TMEM135: variants seen among roughly 807,000 people sequenced by gnomAD.
TMEM135 encodes the protein transmembrane protein 135.
Under a neutral mutation model 60.3 loss-of-function variants are expected in TMEM135, and 30 were observed. The ratio of observed to expected loss-of-function variants is 0.50; its 90% confidence interval spans 0.37 to 0.68. The LOEUF is 0.68. TMEM135 is among the 30% of genes least tolerant of loss of function. The pLI, the probability that TMEM135 is intolerant of heterozygous loss-of-function variation, is 0.00. For synonymous variants in TMEM135, 190 were observed against 186.7 expected, an observed-to-expected ratio of 1.02 and a Z score of -0.14; for missense variants, 468 against 548.8, an observed-to-expected ratio of 0.85 and a Z score of 1.47.
At chr11:87,062,417 GCCCCCCCCC>G (rs71040291) in intron 1 of TMEM135, among the ~76,000 whole-genome samples, 4 of 266 alleles carry the variant, frequency 0.015, 2 homozygotes, top group African/African-American at 0.095. Context: ...TTCCCCCCAA[GCCCCCCCCC>G]CCCCCCGCAT....
At chr11:87,139,198 A>C (rs1243873437) in intron 4 of TMEM135, among the ~76,000 whole-genome samples, 2 of 152,044 alleles carry the variant, frequency 1.3e-5, no homozygotes, top group Admixed American at 6.6e-5. Context: ...TAGTACCCAG[A>C]TTTTTCCCAA....
At chr11:87,077,000 T>G (rs1856886822) in intron 3 of TMEM135, among the ~76,000 whole-genome samples, 1 of 152,246 alleles carries the variant, frequency 6.6e-6, no homozygotes, top group Non-Finnish European at 1.5e-5. Context: ...TCACTAATTC[T>G]TATGTATACT....
At chr11:87,166,072 A>T (rs528417647) in intron 5 of TMEM135, among the ~76,000 whole-genome samples, 5 of 151,566 alleles carry the variant, frequency 3.3e-5, no homozygotes, top group African/African-American at 7.3e-5. Flanking sequence ...GACCAATAAC[A>T]GGATCTGAAA....
chr11:87,178,585 C>A (rs769596389), intron 5 of TMEM135: 1 of 437,868 alleles, frequency 2.3e-6, no homozygotes, highest in Non-Finnish European at 4.6e-6. Context: ...ACCATTACAC[C>A]TGGCTAATTT....
intron 5 of TMEM135, among the ~76,000 whole-genome samples, chr11:87,200,879 T>C (rs1424315089): frequency 3.3e-5 from 5 of 152,172 alleles, no homozygotes; most frequent in Non-Finnish European, 7.4e-5. Flanking sequence ...GTATGTAGAC[T>C]TTTCAGGGTG....
intron 5 of TMEM135, among the ~76,000 whole-genome samples, chr11:87,231,344 A>C (rs562063281): frequency 6.6e-6 from 1 of 152,324 alleles, no homozygotes; most frequent in East Asian, 1.9e-4. Flanking sequence ...TCAAACAGGA[A>C]TAGGAATACT....
At chr11:87,211,760 C>T (rs572507146) in intron 5 of TMEM135, among the ~76,000 whole-genome samples, 1 of 152,078 alleles carries the variant, frequency 6.6e-6, no homozygotes, top group Non-Finnish European at 1.5e-5. Context: ...CTGGCTAACA[C>T]GGTGAAACCC....
intron 5 of TMEM135, among the ~76,000 whole-genome samples, chr11:87,225,456 G>C (rs1940744831): frequency 6.6e-6 from 1 of 151,900 alleles, no homozygotes; most frequent in Non-Finnish European, 1.5e-5. Context: ...TGAACTCTGA[G>C]ATTCTCCTCA....
At chr11:87,214,534 C>G (rs778620221) in intron 5 of TMEM135, among the ~76,000 whole-genome samples, 26 of 151,708 alleles carry the variant, frequency 1.7e-4, no homozygotes, top group Non-Finnish European at 3.1e-4. Flanking sequence ...AAGGAAAACA[C>G]CTTACCTATG....
chr11:87,216,476 T>C (rs543732168), intron 5 of TMEM135, among the ~76,000 whole-genome samples: 11 of 152,142 alleles, frequency 7.2e-5, no homozygotes, highest in East Asian at 3.9e-4. Context: ...TCCCAGAGTT[T>C]TGCAGAGCCT....
intron 6 of TMEM135, among the ~76,000 whole-genome samples, chr11:87,270,560 A>T (rs910172699): frequency 3.9e-5 from 6 of 152,194 alleles, no homozygotes; most frequent in Non-Finnish European, 8.8e-5. Flanking sequence ...ACATTTCCTT[A>T]GTGTTTCTAA....
chr11:87,214,177 G>A (rs1339025590), intron 5 of TMEM135, among the ~76,000 whole-genome samples: 1 of 152,114 alleles, frequency 6.6e-6, no homozygotes, highest in Non-Finnish European at 1.5e-5. Flanking sequence ...GACCACAAAA[G>A]GATGAGATCC....
At chr11:87,197,809 GT>G (rs535757260) in intron 5 of TMEM135, among the ~76,000 whole-genome samples, 50 of 151,696 alleles carry the variant, frequency 3.3e-4, no homozygotes, top group African/African-American at 1.1e-3. Flanking sequence ...TTACTAAAAA[GT>G]TTTTTTTATT....
chr11:87,070,735 C>T (rs1590995495), intron 2 of TMEM135, among the ~76,000 whole-genome samples: 2 of 152,108 alleles, frequency 1.3e-5, no homozygotes, highest in East Asian at 3.8e-4. Flanking sequence ...AGGATTCCTA[C>T]TTTCAAGGAA....
At chr11:87,233,244 G>A (rs1227372243) in intron 5 of TMEM135, among the ~76,000 whole-genome samples, 1 of 151,946 alleles carries the variant, frequency 6.6e-6, no homozygotes, top group African/African-American at 2.4e-5. Flanking sequence ...GAAATAAATA[G>A]CAAGATGATA....
intron 2 of TMEM135, among the ~76,000 whole-genome samples, chr11:87,068,548 C>T (rs966276899): frequency 2.0e-5 from 3 of 152,146 alleles, no homozygotes; most frequent in African/African-American, 4.8e-5. Context: ...CGGTGGCTCA[C>T]GCCTGTAATC....
chr11:87,200,217 C>T (rs1940063992), intron 5 of TMEM135, among the ~76,000 whole-genome samples: 1 of 151,912 alleles, frequency 6.6e-6, no homozygotes, highest in African/African-American at 2.4e-5. Context: ...GCTTACTCAC[C>T]TAAATAGTTG....
intron 6 of TMEM135, among the ~76,000 whole-genome samples, chr11:87,244,766 G>T (rs1344812245): frequency 6.8e-6 from 1 of 146,888 alleles, no homozygotes; most frequent in African/African-American, 2.5e-5. Context: ...TCTTGCTAGC[G>T]GTCTATCAAT....
At chr11:87,090,453 T>C (rs59937143) in intron 3 of TMEM135, among the ~76,000 whole-genome samples, 4 of 152,224 alleles carry the variant, frequency 2.6e-5, no homozygotes, top group South Asian at 2.1e-4. Flanking sequence ...GAAGATTTCA[T>C]TGATAATATT....
Sources: gnomAD v4.1 joint callset for allele counts (sites outside exome capture counted in the v4.1 genomes callset) on GRCh38, gnomAD v4.1.1 for gene constraint, MANE v1.5 for transcripts, NCBI Gene and HGNC (gene_info 2026-07-23, HGNC 2026-07-21) for gene names.